Variants in SLX4 observed in about 807,000 individuals in gnomAD.
SLX4 encodes the protein structure-specific endonuclease subunit SLX4.
SLX4 carries 112 observed loss-of-function variants against 146.2 expected under a neutral mutation model. The ratio of observed to expected loss-of-function variants is 0.77; its 90% CI spans 0.66 to 0.90. The LOEUF is 0.90. SLX4 is among the 40% of genes least tolerant of loss of function. SLX4 has a pLI of 0.00. For synonymous variants in SLX4, 1,061 were observed against 997.7 expected (o/e 1.06, Z -1.20); for missense variants, 2,563 against 2,392.7 (o/e 1.07, Z -1.49).
At chr16:3,607,808 C>A (rs752015588) in intron 2 of SLX4, among the ~76,000 whole-genome samples, 1 of 152,210 alleles carries the variant, frequency 6.6e-6, no homozygotes, top group African/African-American at 2.4e-5. Context: ...AGTCCTCATG[C>A]GGCCCTCTCA....
In SLX4 at chr16:3,582,529, T is replaced by C. The variant is rs769567874; in HGVS notation, c.5318A>G (p.Tyr1773Cys). Residue 1773 changes from tyrosine (Y) to cysteine (C), a missense_variant, in exon 15 of 15, where the codon TAC becomes TGC. Tyr to Cys is a radical substitution (Grantham distance 194). Coordinates refer to ENST00000294008, the MANE Select transcript of SLX4 (RefSeq NM_032444.4). ...KPALYQKVLL[Y>C]QPFELRELQA... ...CAGCTCCCGCAGCTCAAAGGGCTGG[T>C]ACAGCAGCACCTTCTGGTACAGGGC... 5 of 1,613,874 alleles carry C rather than the reference T, an allele frequency of 3.1e-6. No individual in the cohort carries two copies. Among genetic ancestry groups the C allele is most frequent in the Admixed American group, 3.3e-5 (2 of 60,008 alleles).
intron 13 of SLX4, 66 bp downstream of exon 13, chr16:3,584,703 G>A: frequency 7.8e-7 from 1 of 1,279,120 alleles, no homozygotes; most frequent in Non-Finnish European, 1.1e-6. Context: ...CCCCAGGTGT[G>A]TGAAACCCAG....
chr16:3,591,354 A>G (rs746663946), intron 11 of SLX4, 44 bp from the exon 12 acceptor site: 13 of 1,603,320 alleles, frequency 8.1e-6, no homozygotes, highest in Middle Eastern at 1.7e-4. Flanking sequence ...CTGCGTGGAG[A>G]TGGGCTCTGG....
At chr16:3,608,144 A>T (rs2040807445) in intron 2 of SLX4, among the ~76,000 whole-genome samples, 1 of 152,220 alleles carries the variant, frequency 6.6e-6, no homozygotes. Flanking sequence ...ACATAGTGAG[A>T]CCTCCAGCTC....
chr16:3,585,422 T>TA, intron 12 of SLX4, among the ~76,000 whole-genome samples: 1 of 151,830 alleles, frequency 6.6e-6, no homozygotes, highest in Admixed American at 6.6e-5. Flanking sequence ...CCGTCTCTAT[T>TA]AAAAATACAA....
Position 3,590,762 on chromosome 16 carries a change from G to C in SLX4, c.2876C>G (p.Ser959Cys). The change falls in exon 12 of 15, where the codon TCC (serine) becomes TGC (cysteine). Residue 959 changes from serine (S) to cysteine (C), a missense_variant. By Grantham distance (112) the Ser-to-Cys change is moderately radical. Coordinates refer to ENST00000294008, the MANE Select transcript of SLX4 (RefSeq NM_032444.4). This position sits in a 1 kb window ranked among gnomAD's most constrained non-coding sequence, Gnocchi z 4.8. ...PEEALGHSSC[S>C]SPSRDCQAER... ...TGCCTGGCAGTCCCTGGAAGGGCTG[G>C]AGCAGCTGGAATGGCCAAGCGCCTC... 2 of 1,614,054 alleles carry C rather than the reference G, an allele frequency of 1.2e-6. No homozygotes were observed. Among genetic ancestry groups the C allele is most frequent in the Non-Finnish European group, 1.7e-6 (2 of 1,180,026 alleles).
At position 3,589,108 on chromosome 16, in the gene SLX4, C is replaced by A. The variant is rs139254595; in HGVS notation, c.4530G>T (p.Leu1510=). 365 of 1,614,032 alleles carry A rather than the reference C, an allele frequency of 2.3e-4. No individual in the cohort carries two copies. The highest frequency in any genetic ancestry group is 3.0e-4 in the Admixed American group (18 of 60,002). Residue 1510 remains leucine, a synonymous_variant, in exon 12 of 15, where the codon CTG becomes CTT. Coordinates refer to ENST00000294008, the MANE Select transcript of SLX4 (RefSeq NM_032444.4). The surrounding 1 kb of genome is among the most constrained non-coding windows in gnomAD (Gnocchi z 6.2). ...NSRPSFLNSA[L]WDVWDGEEQR... ...GCTCTTCCCCGTCCCAAACGTCCCACAGAGCCGAATTCAGAAAGCTCGGCC... is the reference window on the plus strand; with the variant it reads ...GCTCTTCCCCGTCCCAAACGTCCCAAAGAGCCGAATTCAGAAAGCTCGGCC...
At position 3,589,879 on chromosome 16, in the gene SLX4, G is replaced by A. The variant is rs1238579989; in HGVS notation, c.3759C>T (p.Thr1253=). ...SSPSEASTTD[T]SWLVPATPLA... ...GCGGGGTGGCGGGCACCAGCCACGA[G>A]GTGTCTGTGGTGCTGGCCTCGCTGG... The change falls in exon 12 of 15, where the codon ACC becomes ACT. Residue 1253 remains threonine, a synonymous_variant. Coordinates refer to ENST00000294008, the MANE Select transcript of SLX4 (RefSeq NM_032444.4). This position sits in a 1 kb window ranked among gnomAD's most constrained non-coding sequence, Gnocchi z 6.2. 2 of 1,613,768 alleles carry A rather than the reference G, an allele frequency of 1.2e-6. No individual in the cohort carries two copies. Among genetic ancestry groups the A allele is most frequent in the African/African-American group, 1.3e-5 (1 of 75,022 alleles).
chr16:3,601,230 C>T, intron 4 of SLX4, 39 bp from the exon 5 acceptor site: 1 of 1,603,596 alleles, frequency 6.2e-7, no homozygotes, highest in Non-Finnish European at 8.5e-7. Flanking sequence ...CCACCCTCCC[C>T]AGGAATGTGG....
At chr16:3,600,846 T>C in intron 5 of SLX4, 133 bp downstream of exon 5, 1 of 904,796 alleles carries the variant, frequency 1.1e-6, no homozygotes, top group South Asian at 1.4e-5. Context: ...TCTGCCCACC[T>C]TGGCCTCCCA....
chr16:3,600,234 A>T (rs886128985), intron 5 of SLX4, among the ~76,000 whole-genome samples: 5 of 152,132 alleles, frequency 3.3e-5, no homozygotes, highest in African/African-American at 1.2e-4. Context: ...GCCACCACTG[A>T]TCTGACAGGA....
At chr16:3,582,720 T>C (rs1213166431) in intron 14 of SLX4, 27 bp from the exon 15 acceptor site, 1 of 1,588,828 alleles carries the variant, frequency 6.3e-7, no homozygotes, top group Admixed American at 1.7e-5. Flanking sequence ...CAGGACGTTG[T>C]GCAACCCCTT....
chr16:3,591,380 G>A (rs1037909867), intron 11 of SLX4, 70 bp from the exon 12 acceptor site: 1 of 1,592,638 alleles, frequency 6.3e-7, no homozygotes, highest in Non-Finnish European at 8.5e-7. Context: ...CCGGTGGGGT[G>A]GCGGACCAGA....
In SLX4 at chr16:3,608,420, T is replaced by C. The variant is rs2040809563; in HGVS notation, c.535+10A>G. 2 of 1,613,936 alleles carry C rather than the reference T, an allele frequency of 1.2e-6. No homozygotes were observed. Among genetic ancestry groups the C allele is most frequent in the Admixed American group, 1.7e-5 (1 of 59,988 alleles). On this transcript the variant is annotated intron_variant, in intron 2 of 14. Transcript: ENST00000294008. ...TTTTCCAGCCCCTGGTTTAAAAGAG[T>C]ACAAATTACCTCTGGTTTTCTCTCT...
In SLX4 at chr16:3,597,266, T is replaced by C; in HGVS notation, c.1683+113A>G. 3.1e-6 allele frequency: 4 copies of C among 1,277,112 alleles called. No individual in the cohort carries two copies. Among genetic ancestry groups the C allele is most frequent in the Non-Finnish European group, 4.2e-6 (4 of 947,466 alleles). The allele number at this position is 1,277,112 out of a possible 1,614,324, so 79.1% of individuals were successfully genotyped here. A position where few individuals can be genotyped will look rare whatever the true frequency, so the allele number is the denominator to read the frequency against. On this transcript the variant is annotated intron_variant, in intron 7 of 14. Transcript: ENST00000294008. The surrounding 1 kb of genome is among the most constrained non-coding windows in gnomAD (Gnocchi z 4.4). ...TGCCCCTCTGGCCTCCTCCCGCCTC[T>C]GCCTTTCCTTCCTGGACTTTCCATC...
Position 3,594,605 on chromosome 16 carries a change from G to A in SLX4, c.2014-6C>T, listed in dbSNP as rs1379156531. On this transcript the variant is annotated splice_polypyrimidine_tract_variant and splice_region_variant and intron_variant, in intron 9 of 14. Coordinates refer to ENST00000294008, the MANE Select transcript of SLX4 (RefSeq NM_032444.4). ...ACCAGCAGCCCGAGGGAGAGCTGAA[G>A]CAGGAGGAGAGGAAGAGCCGTCACC... 6.2e-7 allele frequency: 1 copy of A among 1,614,026 alleles called. No homozygotes were observed.
chr16:3,610,439 T>G (rs1302653359), intron 1 of SLX4, among the ~76,000 whole-genome samples: 4 of 152,194 alleles, frequency 2.6e-5, no homozygotes, highest in Non-Finnish European at 5.9e-5. Context: ...TATCGAATGC[T>G]TACTGTGTGC....
rs1235109958 is a variant in SLX4 at position 3,608,841 on chromosome 16, G to A, written c.124C>T (p.Gln42Ter). The change falls in exon 2 of 15, where the codon CAG becomes TAG. Residue 42 changes from glutamine to a stop codon, truncating the protein, a stop_gained. Coordinates refer to ENST00000294008, the MANE Select transcript of SLX4 (RefSeq NM_032444.4). LOFTEE classifies it high-confidence loss of function. ...EDQPESLKTG[Q>*]MMDESDEDFK... ...TCCTCATCAGACTCATCCATCATCT[G>A]ACCAGTTTTAAGGCTTTCAGGCTGG... 2 of 1,614,034 alleles carry A rather than the reference G, an allele frequency of 1.2e-6. No individual in the cohort carries two copies. Among genetic ancestry groups the A allele is most frequent in the South Asian group, 2.2e-5 (2 of 91,036 alleles).
intron 12 of SLX4, among the ~76,000 whole-genome samples, chr16:3,588,625 G>C (rs910086674): frequency 6.6e-6 from 1 of 152,220 alleles, no homozygotes; most frequent in African/African-American, 2.4e-5. Context: ...TCAATCTACG[G>C]TTAACATTCT....
Sources: allele counts gnomAD v4.1 joint callset (sites outside exome capture counted in the v4.1 genomes callset), GRCh38; gene constraint gnomAD v4.1.1; non-coding constraint Gnocchi (gnomAD v3.1); transcripts MANE v1.5; gene names NCBI Gene and HGNC (gene_info 2026-07-23, HGNC 2026-07-21).